Variants in FER1L6 observed in about 807,000 individuals in gnomAD.
FER1L6 encodes fer-1 like family member 6.
Under a neutral mutation model 219.2 loss-of-function variants are expected in FER1L6, and 177 were observed. The observed-to-expected ratio is 0.81, with a 90% CI of 0.71 to 0.91. FER1L6 has a LOEUF of 0.91. Ranked by LOEUF, FER1L6 falls within the 40% of genes least tolerant of loss-of-function variation. The probability of loss-of-function intolerance (pLI) is 0.00; values close to 1 mark genes in which losing one functional copy is unlikely to be tolerated. For synonymous variants in FER1L6, 768 were observed against 824.3 expected (o/e 0.93, Z 1.17); for missense variants, 2,153 against 2,259.9 (o/e 0.95, Z 0.96).
rs768845112 is a variant in FER1L6 at position 123,975,322 on chromosome 8, C to A, written c.683+16C>A. On this transcript the variant is annotated intron_variant, in intron 8 of 40. Transcript: ENST00000522917. ...CAATAGAAAAGTAAGACAGGTCCAT[C>A]CTGGGTTGTGCATAGAAATGATATG... 6 of 1,591,514 alleles carry A rather than the reference C, an allele frequency of 3.8e-6. No individual in the cohort carries two copies. Among genetic ancestry groups the A allele is most frequent in the South Asian group, 2.3e-5 (2 of 87,942 alleles).
At chr8:124,006,401 C>T (rs1296867646) in intron 13 of FER1L6, among the ~76,000 whole-genome samples, 1 of 152,174 alleles carries the variant, frequency 6.6e-6, no homozygotes, top group Non-Finnish European at 1.5e-5. Context: ...GTACATTCTT[C>T]AGTCACCATA....
intron 1 of FER1L6, among the ~76,000 whole-genome samples, chr8:123,923,118 A>T (rs938143891): frequency 7.2e-5 from 11 of 152,226 alleles, no homozygotes; most frequent in Non-Finnish European, 1.3e-4. Context: ...AGGAAAAGTT[A>T]TCTGAGCCAG....
At chr8:123,882,358 A>G (rs1415443799) in intron 1 of FER1L6, among the ~76,000 whole-genome samples, 3 of 152,212 alleles carry the variant, frequency 2.0e-5, no homozygotes, top group African/African-American at 7.2e-5. Context: ...GCCCCTGCAT[A>G]GATGAAATCG....
intron 18 of FER1L6, among the ~76,000 whole-genome samples, 178 bp from the exon 19 acceptor site, chr8:124,035,099 A>T (rs1190679935): frequency 6.6e-6 from 1 of 152,132 alleles, no homozygotes; most frequent in African/African-American, 2.4e-5. Context: ...GGAGATATGG[A>T]GTTGTGCATC....
chr8:123,928,221 A>G (rs1813637943), intron 1 of FER1L6, among the ~76,000 whole-genome samples: 1 of 152,224 alleles, frequency 6.6e-6, no homozygotes, highest in Non-Finnish European at 1.5e-5. Flanking sequence ...ATATTACTGT[A>G]GCCTGATGGC....
At chr8:124,086,009 GT>G (rs1306708408) in intron 33 of FER1L6, among the ~76,000 whole-genome samples, 2 of 151,996 alleles carry the variant, frequency 1.3e-5, no homozygotes, top group Non-Finnish European at 2.9e-5. Context: ...AATCTATGTT[GT>G]TTTATAATCA....
At chr8:124,054,805 G>A (rs1174565918) in intron 22 of FER1L6, among the ~76,000 whole-genome samples, 1 of 152,168 alleles carries the variant, frequency 6.6e-6, no homozygotes. Context: ...AGATCACATG[G>A]GGCCTGGTAA....
At chr8:123,903,032 A>G (rs1226191246) in intron 1 of FER1L6, among the ~76,000 whole-genome samples, 1 of 152,086 alleles carries the variant, frequency 6.6e-6, no homozygotes, top group Non-Finnish European at 1.5e-5. Flanking sequence ...TTGTCTGAAA[A>G]AGACTATCTT....
intron 20 of FER1L6, among the ~76,000 whole-genome samples, chr8:124,045,508 G>A (rs1417773354): frequency 6.6e-6 from 1 of 152,236 alleles, no homozygotes; most frequent in African/African-American, 2.4e-5. Flanking sequence ...TGTATGCAAA[G>A]AGGGTGTTAA....
intron 27 of FER1L6, among the ~76,000 whole-genome samples, chr8:124,066,988 G>A (rs1353918030): frequency 6.6e-6 from 1 of 152,110 alleles, no homozygotes; most frequent in Admixed American, 6.5e-5. Flanking sequence ...AGAGGTCTTG[G>A]CCTTAGGAAA....
chr8:123,866,007 C>CCCGTG (rs1448556448), intron 1 of FER1L6, among the ~76,000 whole-genome samples: 8 of 149,004 alleles, frequency 5.4e-5, no homozygotes, highest in African/African-American at 2.1e-4. Context: ...GCTCCTCCCC[C>CCCGTG]CCACATTTTC....
chr8:124,008,239 C>T (rs1817757131), intron 13 of FER1L6, among the ~76,000 whole-genome samples: 1 of 152,174 alleles, frequency 6.6e-6, no homozygotes. Context: ...TCATAGTCTC[C>T]AATCATGTCC....
chr8:123,882,147 G>A (rs7837957), intron 1 of FER1L6, among the ~76,000 whole-genome samples: 22,048 of 152,026 alleles, frequency 0.15, 1,662 homozygotes, highest in Middle Eastern at 0.2. Context: ...GAAACCCAAA[G>A]GGAATGTCCT....
intron 1 of FER1L6, chr8:123,925,704 C>T (rs1425847643): frequency 6.6e-6 from 1 of 152,246 alleles, no homozygotes; most frequent in Non-Finnish European, 1.5e-5. Context: ...CTTGCCCAGA[C>T]CCCAGAGTGT....
At chr8:124,076,905 C>G (rs1821319333) in intron 32 of FER1L6, among the ~76,000 whole-genome samples, 1 of 152,156 alleles carries the variant, frequency 6.6e-6, no homozygotes, top group Non-Finnish European at 1.5e-5. Context: ...GAACTTTGTC[C>G]TCAAGTTGTG....
At chr8:124,013,605 C>A in intron 15 of FER1L6, 74 bp downstream of exon 15, 1 of 1,007,164 alleles carries the variant, frequency 9.9e-7, no homozygotes, top group Non-Finnish European at 1.4e-6. Flanking sequence ...TTGAGAAAGT[C>A]GTCGATTTCA....
chr8:124,070,238 A>G (rs1790803292), intron 29 of FER1L6, among the ~76,000 whole-genome samples: 2 of 152,204 alleles, frequency 1.3e-5, no homozygotes, highest in African/African-American at 4.8e-5. Context: ...TTTTAAATTT[A>G]CCTATACTTT....
chr8:124,055,951 G>GTCTC (rs1003855172), intron 22 of FER1L6, among the ~76,000 whole-genome samples: 1 of 151,904 alleles, frequency 6.6e-6, no homozygotes, highest in East Asian at 1.9e-4. Flanking sequence ...GCTTCTTCAA[G>GTCTC]TCTCTCTCTC....
intron 33 of FER1L6, among the ~76,000 whole-genome samples, chr8:124,086,374 T>G (rs939272694): frequency 3.7e-4 from 56 of 152,092 alleles, no homozygotes; most frequent in African/African-American, 1.1e-3. Context: ...GTGTTTTTAT[T>G]TGAAGTTACC....
Sources: allele counts gnomAD v4.1 joint callset (sites outside exome capture counted in the v4.1 genomes callset), GRCh38; gene constraint gnomAD v4.1.1; transcripts MANE v1.5; gene names NCBI Gene and HGNC (gene_info 2026-07-23, HGNC 2026-07-21).